Variants in ANKRD26 observed in about 807,000 individuals in gnomAD.
The protein encoded by ANKRD26 is ankyrin repeat domain 26.
In ANKRD26, 141 loss-of-function variants were observed where a neutral mutation model predicts 208.7. The observed-to-expected ratio is 0.68, with a 90% confidence interval of 0.59 to 0.78. The LOEUF (loss-of-function observed/expected upper bound fraction) is 0.78, where lower values mean the gene tolerates loss of function less well. Among genes scored for constraint, ANKRD26 ranks in the 30% least tolerant of loss-of-function variants. The probability of loss-of-function intolerance (pLI) is 0.00; values close to 1 mark genes in which losing one functional copy is unlikely to be tolerated. For synonymous variants in ANKRD26, 636 were observed against 660.4 expected (o/e 0.96, Z 0.57); for missense variants, 1,889 against 1,938.7 (o/e 0.97, Z 0.48).
At chr10:26,984,054 T>TGGCAAGAAGGCAAGAA (rs200565434) in intron 3 of ANKRD26, among the ~76,000 whole-genome samples, 1 of 152,086 alleles carries the variant, frequency 6.6e-6, no homozygotes, top group Non-Finnish European at 1.5e-5. Context: ...CAGACGGCAG[T>TGGCAAGAAGGCAAGAA]GGCAAGAAGG....
At chr10:26,990,557 C>T (rs992951204), downstream of ANKRD26, among the ~76,000 whole-genome samples, 1 of 152,108 alleles carries the variant, frequency 6.6e-6, no homozygotes, top group Non-Finnish European at 1.5e-5. Flanking sequence ...TATGCACCTA[C>T]AAGCTGAGAA....
At chr10:27,041,666 T>C (rs987000116) in intron 20 of ANKRD26, among the ~76,000 whole-genome samples, 44 of 151,842 alleles carry the variant, frequency 2.9e-4, no homozygotes, top group African/African-American at 9.7e-4. Flanking sequence ...CTAAATTAGA[T>C]GAAAATAAAC....
chr10:26,959,616 A>G, the ANKRD26 span, among the ~76,000 whole-genome samples: 1 of 152,010 alleles, frequency 6.6e-6, no homozygotes, highest in Non-Finnish European at 1.5e-5. Context: ...TTTATGGAAC[A>G]GTAGTAACCA....
At chr10:27,052,115 C>T in intron 16 of ANKRD26, 1 of 985,146 alleles carries the variant, frequency 1.0e-6, no homozygotes, top group East Asian at 1.1e-4. Flanking sequence ...TCTTTTCTGT[C>T]AGGGTGCATG....
chr10:27,027,279 T>C (rs893261399), intron 27 of ANKRD26, among the ~76,000 whole-genome samples: 7 of 152,352 alleles, frequency 4.6e-5, no homozygotes, highest in Admixed American at 1.3e-4. Flanking sequence ...TATAATGACA[T>C]AGTATCCATT....
chr10:27,044,052 C>T (rs758795241), intron 19 of ANKRD26, 105 bp downstream of exon 19: 1 of 872,584 alleles, frequency 1.1e-6, no homozygotes, highest in South Asian at 2.0e-5. Context: ...CTTTAGCCTT[C>T]CAAAGTGCTG....
At chr10:27,051,985 G>A in intron 16 of ANKRD26, 1 of 985,298 alleles carries the variant, frequency 1.0e-6, no homozygotes, top group Non-Finnish European at 1.2e-6. Flanking sequence ...TGCACACAAG[G>A]AAGTCCTGAA....
At chr10:27,031,212 C>T (rs76550532) in intron 25 of ANKRD26, among the ~76,000 whole-genome samples, 2,507 of 152,180 alleles carry the variant, frequency 0.016, 154 homozygotes, top group East Asian at 0.16. Context: ...AATCCAGTGG[C>T]AGGAGAATAA....
At chr10:27,074,246 A>C (rs536442102) in intron 9 of ANKRD26, among the ~76,000 whole-genome samples, 75 of 152,352 alleles carry the variant, frequency 4.9e-4, no homozygotes, top group Admixed American at 1.9e-3. Flanking sequence ...AAGAATATAC[A>C]AGGGCAAGGT....
chr10:27,054,891 T>A (rs1203295496), intron 15 of ANKRD26, among the ~76,000 whole-genome samples: 1 of 152,188 alleles, frequency 6.6e-6, no homozygotes, highest in Non-Finnish European at 1.5e-5. Flanking sequence ...TCTTAAGATG[T>A]TTGAACATTT....
intron 20 of ANKRD26, among the ~76,000 whole-genome samples, chr10:27,040,419 A>C (rs920533648): frequency 6.6e-6 from 1 of 152,250 alleles, no homozygotes; most frequent in Non-Finnish European, 1.5e-5. Flanking sequence ...ATGAATTCAG[A>C]TAGATGCTGT....
At chr10:27,038,178 T>C in intron 21 of ANKRD26, 124 bp from the exon 22 acceptor site, 1 of 808,936 alleles carries the variant, frequency 1.2e-6, no homozygotes, top group Non-Finnish European at 1.9e-6. Flanking sequence ...TGAATATTTT[T>C]CCTTTCTAGT....
intron 32 of ANKRD26, among the ~76,000 whole-genome samples, chr10:27,008,971 C>T (rs2052993192): frequency 6.6e-6 from 1 of 152,158 alleles, no homozygotes; most frequent in South Asian, 2.1e-4. Flanking sequence ...TCCTGAGTAG[C>T]TGGGACTACA....
At chr10:27,078,625 G>T (rs570199812) in intron 7 of ANKRD26, among the ~76,000 whole-genome samples, 1 of 152,166 alleles carries the variant, frequency 6.6e-6, no homozygotes, top group South Asian at 2.1e-4. Flanking sequence ...TACTTCTGTA[G>T]TAAACAGTTT....
intron 16 of ANKRD26, chr10:27,052,009 C>A: frequency 1.7e-5 from 17 of 985,356 alleles, no homozygotes; most frequent in Non-Finnish European, 2.0e-5. Context: ...ACAGATACAT[C>A]CTCTCTATCA....
chr10:27,075,925 T>C (rs1001324692), intron 9 of ANKRD26, among the ~76,000 whole-genome samples: 5 of 152,204 alleles, frequency 3.3e-5, no homozygotes, highest in Non-Finnish European at 5.9e-5. Flanking sequence ...GCAGAATACA[T>C]AGAAATCAAT....
At position 27,035,030 on chromosome 10, in the gene ANKRD26, T is replaced by C. The variant is rs1207560913; in HGVS notation, c.3420A>G (p.Gln1140=). Residue 1140 remains glutamine, a synonymous_variant, in exon 24 of 34, where the codon CAA becomes CAG. Transcript: ENST00000376087. ...ESVEERLSQL[Q]SENMLLRQQL... ...GTTGTCGAAGCAACATATTCTCACTTTGTAGTTGAGACAATCTCTCCTCTA... is the reference window on the plus strand; with the variant it reads ...GTTGTCGAAGCAACATATTCTCACTCTGTAGTTGAGACAATCTCTCCTCTA... 2 of 1,613,880 alleles carry C rather than the reference T, an allele frequency of 1.2e-6. No homozygotes were observed. The highest frequency in any genetic ancestry group is 2.7e-5 in the African/African-American group (2 of 74,922).
intron 9 of ANKRD26, among the ~76,000 whole-genome samples, chr10:27,074,610 G>A (rs901735572): frequency 1.2e-4 from 18 of 152,102 alleles, no homozygotes; most frequent in African/African-American, 3.4e-4. Context: ...GAACCCAGGG[G>A]GTGGAGGTTG....
intron 5 of ANKRD26, among the ~76,000 whole-genome samples, chr10:26,978,249 T>C (rs1287396144): frequency 1.3e-5 from 2 of 151,412 alleles, no homozygotes; most frequent in African/African-American, 4.9e-5. Flanking sequence ...TCAGGAGTGA[T>C]CCACCCACCT....
Sources: allele counts gnomAD v4.1 joint callset (sites outside exome capture counted in the v4.1 genomes callset), GRCh38; gene constraint gnomAD v4.1.1; transcripts MANE v1.5; gene names NCBI Gene and HGNC (gene_info 2026-07-23, HGNC 2026-07-21).